PHF8: variants seen among roughly 807,000 people sequenced by gnomAD.
The protein encoded by PHF8 is histone lysine demethylase PHF8.
Under a neutral mutation model 74.4 loss-of-function variants are expected in PHF8, and 9 were observed. The ratio of observed to expected loss-of-function variants is 0.12; its 90% CI spans 0.07 to 0.21. The LOEUF (loss-of-function observed/expected upper bound fraction) is 0.21. PHF8 is among the 10% of genes least tolerant of loss of function. The probability of loss-of-function intolerance (pLI) is 1.00; values close to 1 mark genes in which losing one functional copy is unlikely to be tolerated. For synonymous variants in PHF8, 311 were observed against 316.6 expected (o/e 0.98, Z 0.19); for missense variants, 478 against 816.6 (o/e 0.59, Z 5.05).
intron 6 of PHF8, 27 bp downstream of exon 6, chrX:54,016,568 T>C (rs782614130): frequency 1.4e-5 from 17 of 1,177,902 alleles, no homozygotes; most frequent in Non-Finnish European, 1.8e-5. Context: ...CTTTGTCAGG[T>C]TTTTTTGTTA....
Position 53,937,227 on chromosome X carries a change from C to G in PHF8, c.*1931G>C, listed in dbSNP as rs1404213802. ...CTAAGCTAAATGAAACCCAGTCAAACAGAGGCTGGGTTTCAGCTCCACAGA... is the reference window on the plus strand; with the variant it reads ...CTAAGCTAAATGAAACCCAGTCAAAGAGAGGCTGGGTTTCAGCTCCACAGA... On this transcript the variant is annotated 3_prime_UTR_variant, in exon 22 of 22. Transcript: ENST00000338154. The G allele has an allele frequency of 9.0e-6, 1 of 111,712 alleles. No individual in the cohort carries two copies. The highest frequency in any genetic ancestry group is 1.9e-5 in the Non-Finnish European group (1 of 53,124). 9.2% of individuals were successfully genotyped at this position (111,712 alleles called of 1,213,427 possible). A position where few individuals can be genotyped will look rare whatever the true frequency, so the allele number is the denominator to read the frequency against.
intron 11 of PHF8, among the ~76,000 whole-genome samples, chrX:53,998,578 G>A (rs782517462): frequency 4.1e-4 from 46 of 111,343 alleles, no homozygotes; most frequent in Non-Finnish European, 8.3e-4. Flanking sequence ...CACTCCCACA[G>A]GTAACCATTT....
intron 8 of PHF8, among the ~76,000 whole-genome samples, chrX:54,010,448 C>A (rs2065966892): frequency 8.9e-6 from 1 of 112,043 alleles, no homozygotes; most frequent in Non-Finnish European, 1.9e-5. Flanking sequence ...ATCTGAATAA[C>A]CTTAAAGATT....
chrX:54,045,319 C>A (rs1443882882), upstream of PHF8: 1 of 125,819 alleles, frequency 7.9e-6, no homozygotes, highest in Non-Finnish European at 1.6e-5. Context: ...CCTAGGTTTT[C>A]TCAAACATTC....
chrX:54,032,321 C>T (rs1641506470), intron 2 of PHF8, among the ~76,000 whole-genome samples: 1 of 111,106 alleles, frequency 9.0e-6, no homozygotes, highest in South Asian at 3.8e-4. Context: ...GGGAACCATA[C>T]TTGGAAAATC....
rs2064687856 is a variant in PHF8, at chrX:53,937,660, T to C, written c.*1498A>G. ...CAAGGAAGGAAAGTAGAGGCAGGGC[T>C]ATGGAGAAAAGAAAGACAAACTGGA... On this transcript the variant is annotated 3_prime_UTR_variant, in exon 22 of 22. Transcript: ENST00000338154. The C allele has an allele frequency of 1.3e-5, 3 of 238,845 alleles. No individual in the cohort carries two copies. The East Asian group carries it at 2.1e-4, about 17-fold the overall frequency. The allele number at this position is 238,845 out of a possible 1,213,427, so 19.7% of individuals were successfully genotyped here. A position where few individuals can be genotyped will look rare whatever the true frequency, so the allele number is the denominator to read the frequency against.
intron 2 of PHF8, among the ~76,000 whole-genome samples, chrX:54,030,032 C>T (rs1158004310): frequency 9.0e-6 from 1 of 110,603 alleles, no homozygotes; most frequent in Non-Finnish European, 1.9e-5. Context: ...ACAGGTATCT[C>T]CTTCTACCTG....
intron 18 of PHF8, among the ~76,000 whole-genome samples, chrX:53,984,137 G>T (rs1328256031): frequency 1.8e-5 from 2 of 112,286 alleles, no homozygotes; most frequent in Non-Finnish European, 3.8e-5. Context: ...CAAGGCAGGC[G>T]GGCAGATCAC....
intron 6 of PHF8, among the ~76,000 whole-genome samples, chrX:54,016,258 C>T (rs1306537812): frequency 9.0e-6 from 1 of 110,852 alleles, no homozygotes; most frequent in Admixed American, 9.7e-5. Flanking sequence ...CTTTGGGAGG[C>T]CAAGGCGGGC....
rs2065952773 is a variant in PHF8 at position 54,009,844 on chromosome X, G to GGAAAAAA, written c.946+1277_946+1278insTTTTTTC. 5.5e-3 allele frequency among the ~76,000 whole-genome samples: 52 copies of GGAAAAAA among 9,386 alleles called. 7 individuals are homozygous for GGAAAAAA. The highest frequency in any genetic ancestry group is 7.8e-3 in the African/African-American group (50 of 6,415). 8.2% of individuals were successfully genotyped at this position (9,386 alleles called of 115,157 possible). A position where few individuals can be genotyped will look rare whatever the true frequency, so the allele number is the denominator to read the frequency against. On this transcript the variant is annotated intron_variant, in intron 8 of 21. Coordinates refer to ENST00000338154, the MANE Select transcript of PHF8 (RefSeq NM_015107.3). ...GGTGACAGAGTGAGACTCTGTCTCA[G>GGAAAAAA]AAAAAAAAAAAAAAAAAAAAAAAAA...
At chrX:54,005,538 G>A in intron 8 of PHF8, among the ~76,000 whole-genome samples, 1 of 100,197 alleles carries the variant, frequency 1.0e-5, no homozygotes, top group Admixed American at 1.1e-4. Flanking sequence ...ACACATTCAA[G>A]AAGCTCAGTG....
chrX:53,955,072 T>C (rs2064993026), intron 19 of PHF8, among the ~76,000 whole-genome samples: 1 of 111,565 alleles, frequency 9.0e-6, no homozygotes, highest in Non-Finnish European at 1.9e-5. Context: ...CAATAGCATT[T>C]CTTTTTCTCA....
chrX:53,949,811 CAAAAAAAAAAAA>C (rs11353359), intron 19 of PHF8, among the ~76,000 whole-genome samples: 1 of 24,349 alleles, frequency 4.1e-5, no homozygotes, highest in Non-Finnish European at 8.1e-5. Context: ...GACTCCGTCT[CAAAAAAAAAAAA>C]AAAAAAAAAA....
At chrX:54,024,426 G>T (rs190770723) in intron 2 of PHF8, among the ~76,000 whole-genome samples, 1 of 111,851 alleles carries the variant, frequency 8.9e-6, no homozygotes, top group East Asian at 2.8e-4. Context: ...CAGTTCCCTG[G>T]ACTGCATGCT....
chrX:54,031,443 A>G (rs2066353408), intron 2 of PHF8, among the ~76,000 whole-genome samples: 1 of 109,074 alleles, frequency 9.2e-6, no homozygotes, highest in Non-Finnish European at 1.9e-5. Flanking sequence ...AAAGGAATGC[A>G]AAGGACACAG....
At chrX:54,028,651 T>C (rs781853409) in intron 2 of PHF8, among the ~76,000 whole-genome samples, 3 of 111,600 alleles carry the variant, frequency 2.7e-5, no homozygotes, top group African/African-American at 9.8e-5. Context: ...AAATTCAACA[T>C]GTCCAAACTC....
Position 54,026,575 on chromosome X carries a change from T to C in PHF8, c.99-3732A>G, listed in dbSNP as rs782754960. Among the ~76,000 whole-genome samples, 30 of 110,512 alleles carry C rather than the reference T, an allele frequency of 2.7e-4. No homozygotes were observed. The Admixed American group carries it at 2.9e-3, about 11-fold the overall frequency. On this transcript the variant is annotated intron_variant, in intron 2 of 21. Transcript: ENST00000338154. ...TGTTGTTAAGCACTCTTTGCTTTCA[T>C]TCTTTGAGTTCCTTAATGTTTTTGT... is the stretch of plus-strand genomic sequence containing the variant.
intron 18 of PHF8, among the ~76,000 whole-genome samples, chrX:53,969,716 C>T (rs943196470): frequency 2.7e-5 from 3 of 111,918 alleles, no homozygotes; most frequent in Non-Finnish European, 5.6e-5. Flanking sequence ...TACCTGATTT[C>T]AAATTATATT....
At chrX:53,949,608 C>T (rs1400534203) in intron 19 of PHF8, among the ~76,000 whole-genome samples, 5 of 109,076 alleles carry the variant, frequency 4.6e-5, no homozygotes, top group African/African-American at 1.7e-4. Context: ...GTCAGGAGAT[C>T]AAGACCATCC....
Sources: allele counts gnomAD v4.1 joint callset (sites outside exome capture counted in the v4.1 genomes callset), GRCh38; gene constraint gnomAD v4.1.1; transcripts MANE v1.5; gene names NCBI Gene and HGNC (gene_info 2026-07-23, HGNC 2026-07-21).